SNIP1: variants seen among roughly 807,000 people sequenced by gnomAD.
SNIP1 encodes the protein Smad nuclear interacting protein 1.
Under a neutral mutation model 37.4 loss-of-function variants are expected in SNIP1, and 23 were observed. The ratio of observed to expected loss-of-function variants is 0.61; its 90% CI spans 0.44 to 0.87. SNIP1 has a LOEUF of 0.87. Ranked by LOEUF, SNIP1 falls within the 40% of genes least tolerant of loss-of-function variation. The probability of loss-of-function intolerance (pLI) is 0.00; values close to 1 mark genes in which losing one functional copy is unlikely to be tolerated. For missense variants in SNIP1, 459 were observed against 540.4 expected (o/e 0.85, Z 1.49); for synonymous variants, 174 against 200.0 (o/e 0.87, Z 1.10).
intron 2 of SNIP1, chr1:37,544,748 A>G: frequency 1.5e-6 from 1 of 676,668 alleles, no homozygotes; most frequent in Non-Finnish European, 2.7e-6. Flanking sequence ...CCGCACAGCC[A>G]CCGTGGCCAC....
chr1:37,544,969 G>A, intron 2 of SNIP1: 1 of 784,876 alleles, frequency 1.3e-6, no homozygotes, highest in Admixed American at 1.7e-5. Context: ...TGAAGCTGCA[G>A]AACCAATGAG....
chr1:37,540,228 T>TCC lies in SNIP1; in HGVS notation c.854_855insGG (p.His286AspfsTer40), dbSNP rs1356920448. 1 of 1,611,956 alleles carries TCC rather than the reference T, an allele frequency of 6.2e-7. No homozygotes were observed. The highest frequency in any genetic ancestry group is 8.5e-7 in the Non-Finnish European group (1 of 1,178,142). ...TTGGAATGTCTGCAATGCGGCGGTG[T>TCC]CGACCCAGTAGGTACGCACTCTGTC... is the stretch of plus-strand genomic sequence containing the variant. On this transcript the variant is annotated frameshift_variant, in exon 3 of 4. Coordinates refer to ENST00000296215, the MANE Select transcript of SNIP1 (RefSeq NM_024700.4). LOFTEE classifies it high-confidence loss of function. The surrounding 1 kb of genome is among the most constrained non-coding windows in gnomAD (Gnocchi z 5.6).
chr1:37,553,500 A>G (rs1643326780), intron 1 of SNIP1, among the ~76,000 whole-genome samples: 1 of 152,190 alleles, frequency 6.6e-6, no homozygotes. Context: ...CAGCCCCAAT[A>G]CCTAGGGCAG....
intron 2 of SNIP1, among the ~76,000 whole-genome samples, chr1:37,548,020 C>T (rs1260392040): frequency 6.6e-6 from 1 of 151,424 alleles, no homozygotes; most frequent in African/African-American, 2.4e-5. Flanking sequence ...GGCATGGTGG[C>T]GGGCGCCTGT....
rs571828492 is a variant in SNIP1 at position 37,548,442 on chromosome 1, A to G, written c.327+4203T>C. On this transcript the variant is annotated intron_variant, in intron 2 of 3. Transcript: ENST00000296215. Reference sequence around the variant, plus strand: ...GTGATTCTCCTGCCTCAGCCTCCCAAGTAGCTGGGATTACACGCGCCCACC... The same window carrying G: ...GTGATTCTCCTGCCTCAGCCTCCCAGGTAGCTGGGATTACACGCGCCCACC... 2.6e-4 allele frequency among the ~76,000 whole-genome samples: 39 copies of G among 151,556 alleles called. No individual in the cohort carries two copies. The East Asian group carries it at 3.8e-3, about 15-fold the overall frequency.
In SNIP1 at chr1:37,540,819, G is replaced by C. The variant is rs1049876533; in HGVS notation, c.328-64C>G. 5.4e-5 allele frequency: 78 copies of C among 1,451,804 alleles called. No individual in the cohort carries two copies. Among genetic ancestry groups the C allele is most frequent in the Non-Finnish European group, 6.9e-5 (75 of 1,091,560 alleles). 89.9% of individuals were successfully genotyped at this position (1,451,804 alleles called of 1,614,324 possible). ...ACAATCTAAAGGCAGCCCAAATCTT[G>C]TTCTTTTTGAACGAAGTGCATGCAA... On this transcript the variant is annotated intron_variant, in intron 2 of 3. Transcript: ENST00000296215. This position sits in a 1 kb window ranked among gnomAD's most constrained non-coding sequence, Gnocchi z 5.6.
chr1:37,536,127 T>C lies in SNIP1; in HGVS notation c.*1621A>G, dbSNP rs183248515. The C allele has an allele frequency of 2.0e-5, 3 of 152,314 alleles. No homozygotes were observed. The allele number at this position is 152,314 out of a possible 1,614,324, so 9.4% of individuals were successfully genotyped here. A position where few individuals can be genotyped will look rare whatever the true frequency, so the allele number is the denominator to read the frequency against. On this transcript the variant is annotated 3_prime_UTR_variant, in exon 4 of 4. Coordinates refer to ENST00000296215, the MANE Select transcript of SNIP1 (RefSeq NM_024700.4). ...GTGCCCATGCCCGGCCCAACTTACG[T>C]TTCATCTAATGACCTTATTAAGTGT...
rs1643076458 is a variant in SNIP1 at position 37,535,241 on chromosome 1, A to ATATATATATAT, written c.*2506_*2507insATATATATATA. ...ATAAAAAATAAAAATTATATATATA[A>ATATATATATAT]ATTAGCCAGGCTTGGTGACAGGTGC... is the stretch of plus-strand genomic sequence containing the variant. On this transcript the variant is annotated 3_prime_UTR_variant, in exon 4 of 4. Transcript: ENST00000296215. 1.4e-4 allele frequency: 2 copies of ATATATATATAT among 14,750 alleles called. No homozygotes were observed. The highest frequency in any genetic ancestry group is 2.6e-4 in the African/African-American group (1 of 3,862). The allele number at this position is 14,750 out of a possible 1,614,324, so 0.9% of individuals were successfully genotyped here.
chr1:37,546,224 AG>A (rs1350290816), intron 2 of SNIP1, among the ~76,000 whole-genome samples: 2 of 148,840 alleles, frequency 1.3e-5, no homozygotes, highest in Non-Finnish European at 3.0e-5. Flanking sequence ...CAGTTTTTCT[AG>A]ACTTCCTAGC....
At position 37,546,388 on chromosome 1, in the gene SNIP1, T is replaced by C. The variant is rs115465237; in HGVS notation, c.328-5633A>G. Among the ~76,000 whole-genome samples, 635 of 152,258 alleles carry C rather than the reference T, an allele frequency of 4.2e-3. 4 individuals are homozygous for C. The highest frequency in any genetic ancestry group is 0.014 in the African/African-American group (595 of 41,546). ...TATTAAGAGTCATTATAATAAGCCA[T>C]AACGGCCGGGTGTGGTGGCTTATGT... On this transcript the variant is annotated intron_variant, in intron 2 of 3. Coordinates refer to ENST00000296215, the MANE Select transcript of SNIP1 (RefSeq NM_024700.4).
At chr1:37,549,259 T>A (rs1170453558) in intron 2 of SNIP1, among the ~76,000 whole-genome samples, 3 of 152,204 alleles carry the variant, frequency 2.0e-5, no homozygotes, top group African/African-American at 4.8e-5. Flanking sequence ...ATAGGATTTA[T>A]AAGCTGAAAA....
rs1557623822 is a variant in SNIP1, at chr1:37,537,786, C to T, written c.1153G>A (p.Glu385Lys). Reference sequence around the variant, plus strand: ...ACTTCTTCCTCCTCCTCCTCATCCTCGTCATCTTTCCTGTCTATTTCAGAA... The same window carrying T: ...ACTTCTTCCTCCTCCTCCTCATCCTTGTCATCTTTCCTGTCTATTTCAGAA... ...DTSEIDRKDDEDEEEEEEVSD... is the reference protein window; with the variant it reads ...DTSEIDRKDDKDEEEEEEVSD... Residue 385 changes from glutamate (E) to lysine (K), a missense_variant, in exon 4 of 4, where the codon GAG becomes AAG. By Grantham distance (56) the Glu-to-Lys change is moderately conservative. Transcript: ENST00000296215. 4 of 1,614,042 alleles carry T rather than the reference C, an allele frequency of 2.5e-6. No individual in the cohort carries two copies. Among genetic ancestry groups the T allele is most frequent in the Non-Finnish European group, 2.5e-6 (3 of 1,180,006 alleles).
Position 37,540,154 on chromosome 1 carries a change from T to C in SNIP1, c.926+3A>G. 1 of 1,572,084 alleles carries C rather than the reference T, an allele frequency of 6.4e-7. No individual in the cohort carries two copies. Among genetic ancestry groups the C allele is most frequent in the Non-Finnish European group, 8.7e-7 (1 of 1,153,850 alleles). ...TTACAGTTTCTTCCTCCATGTTACT[T>C]ACCGATATTGAAAGACCGCATGCTG... is the stretch of plus-strand genomic sequence containing the variant. On this transcript the variant is annotated splice_donor_region_variant and intron_variant, in intron 3 of 3. Coordinates refer to ENST00000296215, the MANE Select transcript of SNIP1 (RefSeq NM_024700.4). The surrounding 1 kb of genome is among the most constrained non-coding windows in gnomAD (Gnocchi z 5.6).
At chr1:37,546,261 A>C (rs1442197745) in intron 2 of SNIP1, among the ~76,000 whole-genome samples, 2 of 151,190 alleles carry the variant, frequency 1.3e-5, no homozygotes, top group Admixed American at 6.6e-5. Context: ...ATCAAGAGAG[A>C]GCCTCAGACA....
At chr1:37,547,835 A>C (rs897737820) in intron 2 of SNIP1, among the ~76,000 whole-genome samples, 10 of 151,716 alleles carry the variant, frequency 6.6e-5, no homozygotes, top group African/African-American at 2.4e-4. Context: ...TGGTTCCAGG[A>C]TCCCCAGTGG....
Position 37,545,203 on chromosome 1 carries a change from A to G in SNIP1, c.328-4448T>C, listed in dbSNP as rs956556800. On this transcript the variant is annotated intron_variant, in intron 2 of 3. Coordinates refer to ENST00000296215, the MANE Select transcript of SNIP1 (RefSeq NM_024700.4). ...GAAATCCATCAAGAATTGGGTGACC[A>G]TGTGACCAACTTGCGCAAGATGAGG... The G allele has an allele frequency of 5.7e-5, 39 of 685,670 alleles. No individual in the cohort carries two copies. In the Admixed American group the frequency reaches 5.9e-4, roughly 10 times the overall value. 42.5% of individuals were successfully genotyped at this position (685,670 alleles called of 1,614,324 possible).
intron 2 of SNIP1, among the ~76,000 whole-genome samples, chr1:37,548,221 T>A (rs1643263801): frequency 1.3e-5 from 2 of 150,448 alleles, no homozygotes; most frequent in South Asian, 4.2e-4. Context: ...TCTGTGAATA[T>A]CCTTCTGTAT....
intron 2 of SNIP1, among the ~76,000 whole-genome samples, chr1:37,546,416 G>A (rs1342187246): frequency 6.6e-6 from 1 of 152,148 alleles, no homozygotes; most frequent in African/African-American, 2.4e-5. Flanking sequence ...GCTTATGTCT[G>A]TAATTCTAGC....
chr1:37,545,356 G>C, intron 2 of SNIP1: 1 of 533,612 alleles, frequency 1.9e-6, no homozygotes. Context: ...CACCAAGGCA[G>C]TGCATGCATG....
Sources: gnomAD v4.1 joint callset for allele counts (sites outside exome capture counted in the v4.1 genomes callset) on GRCh38, gnomAD v4.1.1 for gene constraint, Gnocchi (gnomAD v3.1) non-coding constraint, MANE v1.5 for transcripts, NCBI Gene and HGNC (gene_info 2026-07-23, HGNC 2026-07-21) for gene names.